NELL2: variants seen among roughly 807,000 people sequenced by gnomAD.
The protein encoded by NELL2 is neural EGFL like 2.
Under a neutral mutation model 109.6 loss-of-function variants are expected in NELL2, and 41 were observed. The observed-to-expected ratio is 0.37, with a 90% CI of 0.29 to 0.49. The LOEUF (loss-of-function observed/expected upper bound fraction) is 0.49. NELL2 is among the 20% of genes least tolerant of loss of function. NELL2 has a pLI of 0.98. For missense variants in NELL2, 900 were observed against 1,008.3 expected (o/e 0.89, Z 1.45); for synonymous variants, 355 against 344.7 (o/e 1.03, Z -0.33).
chr12:44,819,257 T>C (rs1272232783), intron 2 of NELL2, among the ~76,000 whole-genome samples: 1 of 152,146 alleles, frequency 6.6e-6, no homozygotes, highest in Non-Finnish European at 1.5e-5. Flanking sequence ...AAAATTTCTC[T>C]AGTGGCCATG....
chr12:44,687,064 G>A (rs907033137), intron 12 of NELL2, among the ~76,000 whole-genome samples: 3 of 152,148 alleles, frequency 2.0e-5, no homozygotes, highest in Non-Finnish European at 2.9e-5. Context: ...GAGACTCCAC[G>A]GGCATAGGAC....
intron 9 of NELL2, among the ~76,000 whole-genome samples, chr12:44,751,858 G>A (rs1940667197): frequency 6.6e-6 from 1 of 151,904 alleles, no homozygotes; most frequent in African/African-American, 2.4e-5. Context: ...CTAAGCCAGG[G>A]GTGTCCAATA....
At position 44,798,149 on chromosome 12, in the gene NELL2, G is replaced by T. The variant is rs561518647; in HGVS notation, c.335+17837C>A. 3.4e-5 allele frequency among the ~76,000 whole-genome samples: 5 copies of T among 148,778 alleles called. No individual in the cohort carries two copies. The South Asian group carries it at 6.4e-4, about 19-fold the overall frequency. Reference sequence around the variant, plus strand: ...TCCTAGATGGAATGATGGAATAAAAGCATTCCCTCAGATTTTCTGTACTGT... The same window carrying T: ...TCCTAGATGGAATGATGGAATAAAATCATTCCCTCAGATTTTCTGTACTGT... On this transcript the variant is annotated intron_variant, in intron 3 of 19. Transcript: ENST00000429094.
intron 5 of NELL2, among the ~76,000 whole-genome samples, chr12:44,778,919 A>G (rs1941851305): frequency 6.6e-6 from 1 of 152,200 alleles, no homozygotes; most frequent in Non-Finnish European, 1.5e-5. Flanking sequence ...ATTCACTGGT[A>G]TGTGATCTAC....
intron 13 of NELL2, among the ~76,000 whole-genome samples, chr12:44,638,711 A>G (rs780311190): frequency 8.5e-5 from 13 of 152,190 alleles, no homozygotes; most frequent in Non-Finnish European, 1.8e-4. Flanking sequence ...ATGTTTATTG[A>G]TAACACATCT....
intron 9 of NELL2, among the ~76,000 whole-genome samples, chr12:44,715,591 T>A (rs900090062): frequency 1.8e-4 from 27 of 152,056 alleles, no homozygotes; most frequent in African/African-American, 6.5e-4. Flanking sequence ...AGGCTCCTTG[T>A]AAGATGCTGA....
At chr12:44,776,692 T>C (rs768605902) in intron 7 of NELL2, among the ~76,000 whole-genome samples, 1 of 152,216 alleles carries the variant, frequency 6.6e-6, no homozygotes, top group Non-Finnish European at 1.5e-5. Flanking sequence ...ATTTCTTTGA[T>C]ACAATTCTGG....
chr12:44,616,335 A>G (rs2136262538), intron 13 of NELL2, among the ~76,000 whole-genome samples: 1 of 152,176 alleles, frequency 6.6e-6, no homozygotes, highest in East Asian at 1.9e-4. Context: ...CTACAGTAAC[A>G]TACAGGTGTA....
chr12:44,759,988 G>A (rs959629137), intron 9 of NELL2, among the ~76,000 whole-genome samples: 3 of 152,158 alleles, frequency 2.0e-5, no homozygotes, highest in African/African-American at 7.2e-5. Flanking sequence ...GGGGACTTTG[G>A]AACCTGAAAA....
chr12:44,641,637 C>T (rs1432818630), intron 13 of NELL2, among the ~76,000 whole-genome samples: 2 of 149,272 alleles, frequency 1.3e-5, no homozygotes, highest in African/African-American at 4.9e-5. Context: ...CCTAGTCAGT[C>T]ATAGTCCTGA....
chr12:44,784,335 A>G (rs182170033), intron 3 of NELL2, among the ~76,000 whole-genome samples: 2 of 152,212 alleles, frequency 1.3e-5, no homozygotes, highest in East Asian at 1.9e-4. Flanking sequence ...AAAAGAAAAG[A>G]AAAAGGAAAA....
At chr12:44,737,534 G>A (rs921192770) in intron 9 of NELL2, among the ~76,000 whole-genome samples, 2 of 151,688 alleles carry the variant, frequency 1.3e-5, no homozygotes, top group African/African-American at 4.8e-5. Context: ...TTCTTTTTCT[G>A]TAATTGGTTT....
chr12:44,745,559 C>T (rs956431773), intron 9 of NELL2, among the ~76,000 whole-genome samples: 2 of 152,172 alleles, frequency 1.3e-5, no homozygotes, highest in Admixed American at 1.3e-4. Context: ...ACCCAATCGT[C>T]TCAGCCCAAA....
chr12:44,771,738 GAAC>G (rs950556909), intron 9 of NELL2, among the ~76,000 whole-genome samples: 60 of 152,258 alleles, frequency 3.9e-4, no homozygotes, highest in African/African-American at 1.4e-3. Context: ...TTCTTTCCCA[GAAC>G]AACAACCATC....
At chr12:44,896,308 G>A (rs1236263760) in intron 1 of NELL2, among the ~76,000 whole-genome samples, 2 of 152,144 alleles carry the variant, frequency 1.3e-5, no homozygotes, top group Non-Finnish European at 2.9e-5. Flanking sequence ...GTATATTTTA[G>A]TTCAAGATAT....
At chr12:44,871,807 T>C (rs1945170773) in intron 2 of NELL2, among the ~76,000 whole-genome samples, 1 of 152,204 alleles carries the variant, frequency 6.6e-6, no homozygotes, top group Admixed American at 6.5e-5. Flanking sequence ...TTAAAGTTTT[T>C]TACAAATAAC....
At chr12:44,771,772 T>C (rs74955355) in intron 9 of NELL2, among the ~76,000 whole-genome samples, 3,000 of 152,338 alleles carry the variant, frequency 0.02, 94 homozygotes, top group African/African-American at 0.069. Flanking sequence ...TCAGTATTTA[T>C]ATTCAGATAA....
intron 2 of NELL2, among the ~76,000 whole-genome samples, chr12:44,823,899 G>C (rs1943619620): frequency 6.6e-6 from 1 of 152,102 alleles, no homozygotes; most frequent in Non-Finnish European, 1.5e-5. Flanking sequence ...GCCAATACTT[G>C]TTATCATAGG....
At chr12:44,650,014 T>C (rs1947245132) in intron 13 of NELL2, among the ~76,000 whole-genome samples, 1 of 152,176 alleles carries the variant, frequency 6.6e-6, no homozygotes, top group Non-Finnish European at 1.5e-5. Context: ...ATGTCATTAA[T>C]ATCAGGCAAG....
Sources: gnomAD v4.1 joint callset for allele counts (sites outside exome capture counted in the v4.1 genomes callset) on GRCh38, gnomAD v4.1.1 for gene constraint, MANE v1.5 for transcripts, NCBI Gene and HGNC (gene_info 2026-07-23, HGNC 2026-07-21) for gene names.